GPAM: variants seen among roughly 807,000 people sequenced by gnomAD.
The protein encoded by GPAM is glycerol-3-phosphate acyltransferase 1, mitochondrial.
In GPAM, 56 loss-of-function variants were observed where a neutral mutation model predicts 105.0. That is an observed-to-expected ratio of 0.53 (90% CI 0.43 to 0.67). The LOEUF (loss-of-function observed/expected upper bound fraction) is 0.67. Ranked by LOEUF, GPAM falls within the 30% of genes least tolerant of loss-of-function variation. The pLI is 0.00. For missense variants in GPAM, 855 were observed against 989.8 expected (o/e 0.86, Z 1.83); for synonymous variants, 368 against 354.4 (o/e 1.04, Z -0.43).
chr10:112,218,363 G>T (rs997897091), upstream of GPAM, among the ~76,000 whole-genome samples: 3 of 152,204 alleles, frequency 2.0e-5, no homozygotes, highest in Non-Finnish European at 4.4e-5. Flanking sequence ...GAGAGATGGA[G>T]AGGACTTCAC....
chr10:112,189,492 G>C (rs891867680), intron 1 of GPAM, among the ~76,000 whole-genome samples: 3 of 152,072 alleles, frequency 2.0e-5, no homozygotes, highest in South Asian at 4.2e-4. Flanking sequence ...GCTGATCTGG[G>C]GCACTCACTG....
At chr10:112,180,692 C>T in intron 3 of GPAM, 97 bp from the exon 4 acceptor site, 1 of 1,102,540 alleles carries the variant, frequency 9.1e-7, no homozygotes, top group Non-Finnish European at 1.4e-6. Flanking sequence ...AGAAGAAAAA[C>T]TTATGGCATA....
upstream of GPAM, among the ~76,000 whole-genome samples, chr10:112,215,652 C>T (rs1395395190): frequency 6.9e-6 from 1 of 145,366 alleles, no homozygotes; most frequent in Non-Finnish European, 1.5e-5. Flanking sequence ...GCGGAGGTGT[C>T]CACAGCTTGA....
intron 11 of GPAM, among the ~76,000 whole-genome samples, chr10:112,167,850 C>G (rs1440951873): frequency 4.6e-5 from 7 of 152,172 alleles, no homozygotes. Flanking sequence ...AACTATTATA[C>G]TTCAATAAAA....
In GPAM at chr10:112,150,416, C is replaced by T. The variant is rs149509002; in HGVS notation, c.*3134G>A. 1.5e-4 allele frequency: 143 copies of T among 985,768 alleles called. No homozygotes were observed. The African/African-American group carries it at 1.7e-3, about 12-fold the overall frequency. 61.1% of individuals were successfully genotyped at this position (985,768 alleles called of 1,614,324 possible). ...TTCTCTCTATCAAAGGAAAGAGCTCCGATCACCTACATTATAATTTTCTGT... is the reference window on the plus strand; with the variant it reads ...TTCTCTCTATCAAAGGAAAGAGCTCTGATCACCTACATTATAATTTTCTGT... On this transcript the variant is annotated 3_prime_UTR_variant, in exon 22 of 22. Coordinates refer to ENST00000348367, the MANE Select transcript of GPAM (RefSeq NM_001244949.2).
chr10:112,161,606 G>T, intron 15 of GPAM, 61 bp downstream of exon 15: 2 of 1,357,044 alleles, frequency 1.5e-6, no homozygotes, highest in South Asian at 2.4e-5. Flanking sequence ...GTATGTATCT[G>T]AGCAGCTGAC....
intron 1 of GPAM, among the ~76,000 whole-genome samples, chr10:112,199,389 C>G (rs1847766228): frequency 6.6e-6 from 1 of 152,070 alleles, no homozygotes; most frequent in African/African-American, 2.4e-5. Flanking sequence ...TTATCAGCAG[C>G]TGCAGGAGGA....
In GPAM at chr10:112,153,582, G is replaced by C; in HGVS notation, c.2455C>G (p.Leu819Val). 6.2e-7 allele frequency: 1 copy of C among 1,614,026 alleles called. No homozygotes were observed. Among genetic ancestry groups the C allele is most frequent in the Non-Finnish European group, 8.5e-7 (1 of 1,179,930 alleles). Residue 819 changes from leucine to valine, a missense_variant, in exon 22 of 22, where the codon CTA becomes GTA. Physicochemically the swap from Leu to Val is conservative, Grantham distance 32. Transcript: ENST00000348367. ...ACCACAAAACTCAGAATATATTCTA[G>C]AAGTTTTTGTCGGTTGCATTGAGGT... ...FLPQCNRQKL[L>V]EYILSFVVL is the part of the protein sequence containing the mutation.
Position 112,169,371 on chromosome 10 carries a change from C to T in GPAM, c.795-419G>A, listed in dbSNP as rs186026271. ...TACAAAATGAATATGATGTTTATTA[C>T]GAAAGCTCCTTGGGGGAAATTTTCT... On this transcript the variant is annotated intron_variant, in intron 9 of 21. Transcript: ENST00000348367. Among the ~76,000 whole-genome samples the T allele has an allele frequency of 3.9e-3, 599 of 152,268 alleles. 5 individuals carry two copies. The highest frequency in any genetic ancestry group is 0.014 in the African/African-American group (575 of 41,548).
At chr10:112,160,460 T>A in intron 16 of GPAM, 144 bp downstream of exon 16, 1 of 1,213,404 alleles carries the variant, frequency 8.2e-7, no homozygotes, top group Non-Finnish European at 1.2e-6. Context: ...AACAGGAGAT[T>A]ACATTTTCGT....
chr10:112,159,136 A>G (rs996248943), intron 17 of GPAM, among the ~76,000 whole-genome samples: 1 of 151,694 alleles, frequency 6.6e-6, no homozygotes, highest in Non-Finnish European at 1.5e-5. Flanking sequence ...GTGTTTGGGT[A>G]TATAATATAA....
chr10:112,151,898 T>C lies in GPAM; in HGVS notation c.*1652A>G. 1 of 979,684 alleles carries C rather than the reference T, an allele frequency of 1.0e-6. No individual in the cohort carries two copies. The highest frequency in any genetic ancestry group is 1.2e-6 in the Non-Finnish European group (1 of 824,762). 60.7% of individuals were successfully genotyped at this position (979,684 alleles called of 1,614,324 possible). A position where few individuals can be genotyped will look rare whatever the true frequency, so the allele number is the denominator to read the frequency against. On this transcript the variant is annotated 3_prime_UTR_variant, in exon 22 of 22. Transcript: ENST00000348367. Reference sequence around the variant, plus strand: ...ATATCTCATTCAACATCAGAGCTACTACAACTGACAATGACTTCATGGTAT... The same window carrying C: ...ATATCTCATTCAACATCAGAGCTACCACAACTGACAATGACTTCATGGTAT...
intron 1 of GPAM, among the ~76,000 whole-genome samples, chr10:112,200,244 T>TATATAGAGAGAG (rs61460320): frequency 4.0e-5 from 5 of 123,552 alleles, no homozygotes; most frequent in African/African-American, 1.5e-4. Context: ...TATATATATA[T>TATATAGAGAGAG]AGAGAGAGAG....
chr10:112,153,228 T>G lies in GPAM; in HGVS notation c.*322A>C. The G allele has an allele frequency of 8.5e-7, 1 of 1,172,956 alleles. No individual in the cohort carries two copies. Among genetic ancestry groups the G allele is most frequent in the South Asian group, 1.9e-5 (1 of 51,552 alleles). 72.7% of individuals were successfully genotyped at this position (1,172,956 alleles called of 1,614,324 possible). A position where few individuals can be genotyped will look rare whatever the true frequency, so the allele number is the denominator to read the frequency against. On this transcript the variant is annotated 3_prime_UTR_variant, in exon 22 of 22. Transcript: ENST00000348367. ...ACATTTCTGTGTCCATCACAGTAATTAGTCCTTAAAAGTTGTACTTAAAAT... is the reference window on the plus strand; with the variant it reads ...ACATTTCTGTGTCCATCACAGTAATGAGTCCTTAAAAGTTGTACTTAAAAT...
chr10:112,195,599 G>T (rs1564688447), intron 1 of GPAM, among the ~76,000 whole-genome samples: 1 of 152,208 alleles, frequency 6.6e-6, no homozygotes, highest in African/African-American at 2.4e-5. Flanking sequence ...CCATGGGAAT[G>T]ACCATAATTA....
chr10:112,210,846 T>A (rs1240934161), intron 1 of GPAM, among the ~76,000 whole-genome samples: 1 of 152,322 alleles, frequency 6.6e-6, no homozygotes, highest in East Asian at 1.9e-4. Context: ...GGGAACATCA[T>A]GAGCCTGGGG....
intron 3 of GPAM, among the ~76,000 whole-genome samples, chr10:112,181,198 C>T (rs1034314333): frequency 1.3e-5 from 2 of 151,150 alleles, no homozygotes; most frequent in African/African-American, 2.4e-5. Flanking sequence ...AAAAAAAAAC[C>T]CCACCATTTT....
intron 1 of GPAM, among the ~76,000 whole-genome samples, chr10:112,198,219 C>A (rs550517871): frequency 6.6e-6 from 1 of 152,236 alleles, no homozygotes; most frequent in African/African-American, 2.4e-5. Flanking sequence ...ATGTCCAGTC[C>A]CCTCAAAGTC....
At chr10:112,166,981 T>C (rs923367215) in intron 11 of GPAM, among the ~76,000 whole-genome samples, 5 of 152,166 alleles carry the variant, frequency 3.3e-5, no homozygotes, top group African/African-American at 9.7e-5. Context: ...TGAGTATTCA[T>C]TCAGTAAATA....
Sources: allele counts gnomAD v4.1 joint callset (sites outside exome capture counted in the v4.1 genomes callset), GRCh38; gene constraint gnomAD v4.1.1; transcripts MANE v1.5; gene names NCBI Gene and HGNC (gene_info 2026-07-23, HGNC 2026-07-21).